Variants in GBE1 observed in about 807,000 individuals in gnomAD.
GBE1 encodes 1,4-alpha-glucan branching enzyme 1, also known as 1,4-alpha-glucan-branching enzyme.
Under a neutral mutation model 88.8 loss-of-function variants are expected in GBE1, and 70 were observed. The observed-to-expected ratio is 0.79, with a 90% CI of 0.65 to 0.96. The LOEUF is 0.96. GBE1 is among the 40% of genes least tolerant of loss of function. The pLI, the probability that GBE1 is intolerant of heterozygous loss-of-function variation, is 0.00. For synonymous variants in GBE1, 284 were observed against 300.1 expected (o/e 0.95, Z 0.56); for missense variants, 872 against 871.0 (o/e 1.00, Z -0.01).
intron 7 of GBE1, among the ~76,000 whole-genome samples, chr3:81,626,627 T>C (rs1345639270): frequency 1.3e-5 from 2 of 151,088 alleles, no homozygotes; most frequent in Non-Finnish European, 2.9e-5. Flanking sequence ...ACAGCCCCAG[T>C]GCATGAAAAG....
chr3:81,643,054 C>A, intron 6 of GBE1, 64 bp from the exon 7 acceptor site: 1 of 1,098,300 alleles, frequency 9.1e-7, no homozygotes, highest in Non-Finnish European at 1.4e-6. Flanking sequence ...GCCGATTGTG[C>A]AGCAATTGTT....
At chr3:81,680,182 CAAGT>C (rs1559685604) in intron 2 of GBE1, among the ~76,000 whole-genome samples, 1 of 152,146 alleles carries the variant, frequency 6.6e-6, no homozygotes, top group African/African-American at 2.4e-5. Context: ...ACTACCATGA[CAAGT>C]GAGTTTGAAA....
At chr3:81,494,094 A>G (rs186724664) in intron 15 of GBE1, among the ~76,000 whole-genome samples, 8 of 152,248 alleles carry the variant, frequency 5.3e-5, no homozygotes, top group African/African-American at 1.7e-4. Context: ...TAATATACAT[A>G]TATTTCACTG....
At chr3:81,494,624 C>T (rs187682135) in intron 15 of GBE1, among the ~76,000 whole-genome samples, 11 of 152,148 alleles carry the variant, frequency 7.2e-5, no homozygotes, top group Admixed American at 5.9e-4. Context: ...TACCTAGAAT[C>T]GCCTTAAGAA....
intron 12 of GBE1, among the ~76,000 whole-genome samples, chr3:81,559,575 TA>T (rs2106907416): frequency 6.6e-6 from 1 of 152,104 alleles, no homozygotes; most frequent in South Asian, 2.1e-4. Flanking sequence ...TCTAAGGTTT[TA>T]TTTGTTCTAC....
intron 14 of GBE1, chr3:81,534,737 G>A (rs996678227): frequency 2.0e-5 from 3 of 152,162 alleles, no homozygotes; most frequent in South Asian, 2.1e-4. Flanking sequence ...AACTACAATC[G>A]TCTCCCATAT....
intron 2 of GBE1, among the ~76,000 whole-genome samples, chr3:81,679,274 C>T (rs1705305405): frequency 6.6e-6 from 1 of 152,134 alleles, no homozygotes; most frequent in African/African-American, 2.4e-5. Context: ...AGGTTTAATA[C>T]ACTTATGGTT....
intron 1 of GBE1, among the ~76,000 whole-genome samples, chr3:81,742,339 G>A (rs1415624755): frequency 6.6e-6 from 1 of 151,934 alleles, no homozygotes; most frequent in Non-Finnish European, 1.5e-5. Flanking sequence ...CTGCTGTTCA[G>A]GAAAATGCTA....
rs1002287923 is a variant in GBE1 at position 81,745,308 on chromosome 3, A to G, written c.143+16067T>C. 1.1e-4 allele frequency among the ~76,000 whole-genome samples: 16 copies of G among 152,310 alleles called. 1 individual carries two copies. The highest frequency in any genetic ancestry group is 3.8e-4 in the African/African-American group (16 of 41,582). The stretch of plus-strand genomic sequence containing the variant: ...CTTGGTTAACCTCATCAGTATATAC[A>G]TGTATTACTTATTTTTAAAAATTTG... On this transcript the variant is annotated intron_variant, in intron 1 of 15. Transcript: ENST00000429644.
In GBE1 at chr3:81,548,486, G is replaced by A. The variant is rs796205453; in HGVS notation, c.1619-11391C>T. 4.2e-4 allele frequency among the ~76,000 whole-genome samples: 64 copies of A among 151,362 alleles called. 1 individual carries two copies. The highest frequency in any genetic ancestry group is 1.3e-3 in the African/African-American group (54 of 41,442). ...TTGTTGGTATGTGTTCCAAAATTAC[G>A]TAAAACTCCTCTAATTCTAATAGGA... On this transcript the variant is annotated intron_variant, in intron 12 of 15. Coordinates refer to ENST00000429644, the MANE Select transcript of GBE1 (RefSeq NM_000158.4).
chr3:81,547,145 T>C lies in GBE1; in HGVS notation c.1619-10050A>G, dbSNP rs547188028. ...GCATATACCCGAGTGAAGAGTGGGA[T>C]TGCATTAGACGCCCAATTTAAGGGA... On this transcript the variant is annotated intron_variant, in intron 12 of 15. Transcript: ENST00000429644. Among the ~76,000 whole-genome samples, 65 of 151,454 alleles carry C rather than the reference T, an allele frequency of 4.3e-4. 3 individuals carry two copies. The highest frequency in any genetic ancestry group is 2.9e-3 in the South Asian group (14 of 4,820).
chr3:81,758,904 G>C (rs566251664), intron 1 of GBE1, among the ~76,000 whole-genome samples: 3 of 152,310 alleles, frequency 2.0e-5, no homozygotes, highest in East Asian at 1.9e-4. Flanking sequence ...TTGTGGGAGG[G>C]ACCTGATGGG....
intron 14 of GBE1, among the ~76,000 whole-genome samples, chr3:81,507,666 ATG>A (rs900995879): frequency 5.4e-5 from 8 of 148,320 alleles, no homozygotes; most frequent in Admixed American, 1.4e-4. Flanking sequence ...TTATACATAT[ATG>A]TGTGTGTGTA....
intron 1 of GBE1, among the ~76,000 whole-genome samples, chr3:81,714,122 G>A (rs182054998): frequency 1.6e-3 from 247 of 152,220 alleles, no homozygotes; most frequent in Middle Eastern, 6.8e-3. Context: ...GGTATTCTTC[G>A]CTTTGAAATT....
At position 81,591,057 on chromosome 3, in the gene GBE1, C is replaced by T. The variant is rs1434653319; in HGVS notation, c.1216G>A (p.Asp406Asn). 3 of 1,608,698 alleles carry T rather than the reference C, an allele frequency of 1.9e-6. No individual in the cohort carries two copies. The highest frequency in any genetic ancestry group is 4.5e-5 in the East Asian group (2 of 44,680). ...TTTACCTCAGCTATTGTTATAGAAT[C>T]GGGACACAGCGTGTGAACCAAATGA... is the stretch of plus-strand genomic sequence containing the variant. ...ANHLVHTLCP[D>N]SITIAEDVSG... Residue 406 changes from aspartate (D) to asparagine (N), a missense_variant, in exon 9 of 16, where the codon GAT becomes AAT. By Grantham distance (23) the Asp-to-Asn change is conservative. Transcript: ENST00000429644.
chr3:81,508,477 T>G (rs1200246509), intron 14 of GBE1, among the ~76,000 whole-genome samples: 1 of 152,242 alleles, frequency 6.6e-6, no homozygotes, highest in Admixed American at 6.5e-5. Flanking sequence ...TAACAGATTT[T>G]TATTCACCTT....
chr3:81,697,390 C>A (rs1705613501), intron 2 of GBE1, among the ~76,000 whole-genome samples: 1 of 149,292 alleles, frequency 6.7e-6, no homozygotes, highest in Non-Finnish European at 1.5e-5. Context: ...ACCTCCGTCT[C>A]CCAGGTTCAA....
At position 81,595,533 on chromosome 3, in the gene GBE1, A is replaced by G. The variant is rs148622226; in HGVS notation, c.993-1510T>C. 2.7e-3 allele frequency among the ~76,000 whole-genome samples: 405 copies of G among 152,086 alleles called. 1 individual carries two copies. The highest frequency in any genetic ancestry group is 5.6e-3 in the South Asian group (27 of 4,824). On this transcript the variant is annotated intron_variant, in intron 7 of 15. Coordinates refer to ENST00000429644, the MANE Select transcript of GBE1 (RefSeq NM_000158.4). The stretch of plus-strand genomic sequence containing the variant: ...AATTTCAGAAAGAAGACTTGAATAA[A>G]ATTGCATACAAATAATCCTTTGAAA...
At chr3:81,669,693 G>C (rs1204562205) in intron 3 of GBE1, among the ~76,000 whole-genome samples, 45 of 151,320 alleles carry the variant, frequency 3.0e-4, no homozygotes. Context: ...ATGGAAAGGG[G>C]ATTATTTATA....
Sources: gnomAD v4.1 joint callset for allele counts (sites outside exome capture counted in the v4.1 genomes callset) on GRCh38, gnomAD v4.1.1 for gene constraint, MANE v1.5 for transcripts, NCBI Gene and HGNC (gene_info 2026-07-23, HGNC 2026-07-21) for gene names.